The following AGPAT3 variants were observed in gnomAD, a reference collection of about 807,000 sequenced individuals.
AGPAT3 encodes 1-acyl-sn-glycerol-3-phosphate acyltransferase gamma.
A neutral mutation model predicts 47.3 loss-of-function variants in AGPAT3; 5 were observed. That is an observed-to-expected ratio of 0.11 (90% CI 0.06 to 0.22). The LOEUF (loss-of-function observed/expected upper bound fraction) is 0.22, where lower values mean the gene tolerates loss of function less well. AGPAT3 is among the 10% of genes least tolerant of loss of function. The probability of loss-of-function intolerance (pLI) is 1.00; values close to 1 mark genes in which losing one functional copy is unlikely to be tolerated. For synonymous variants in AGPAT3, 212 were observed against 208.3 expected (o/e 1.02, Z -0.15); for missense variants, 315 against 493.0 (o/e 0.64, Z 3.42).
chr21:43,949,208 A>G (rs1318169172), intron 2 of AGPAT3, among the ~76,000 whole-genome samples: 3 of 152,198 alleles, frequency 2.0e-5, no homozygotes, highest in South Asian at 4.1e-4. Context: ...TATCATTTAC[A>G]TATTACTATC....
At chr21:43,912,703 G>GCC (rs2086653677) in intron 2 of AGPAT3, among the ~76,000 whole-genome samples, 1 of 152,182 alleles carries the variant, frequency 6.6e-6, no homozygotes, top group South Asian at 2.1e-4. Context: ...ATCGTCAATA[G>GCC]TCCTGTTAAT....
intron 2 of AGPAT3, among the ~76,000 whole-genome samples, chr21:43,910,213 G>A (rs1032090550): frequency 6.6e-6 from 1 of 152,230 alleles, no homozygotes; most frequent in Non-Finnish European, 1.5e-5. Context: ...TGGGGAGTGC[G>A]TGTTCAGCCC....
rs1444416327 is a variant in AGPAT3, at chr21:43,933,866, C to T, written c.-48-25768C>T. Among the ~76,000 whole-genome samples the T allele has an allele frequency of 6.6e-6, 1 of 152,138 alleles. No homozygotes were observed. The highest frequency in any genetic ancestry group is 2.4e-5 in the African/African-American group (1 of 41,414). ...GCCTCACGTGGAGAGTGGACAGTGG[C>T]ATGGAAACGCCAGAGGGTTAGAACT... On this transcript the variant is annotated intron_variant, in intron 2 of 9. Coordinates refer to ENST00000291572, the MANE Select transcript of AGPAT3 (RefSeq NM_020132.5). This position sits in a 1 kb window ranked among gnomAD's most constrained non-coding sequence, Gnocchi z 6.0.
At chr21:43,907,597 G>T (rs1166727695) in intron 2 of AGPAT3, among the ~76,000 whole-genome samples, 4 of 152,102 alleles carry the variant, frequency 2.6e-5, no homozygotes, top group Non-Finnish European at 5.9e-5. Context: ...GGCACTTGTA[G>T]TCCCAGCTAC....
chr21:43,889,964 A>G (rs2086065493), intron 1 of AGPAT3, among the ~76,000 whole-genome samples: 1 of 152,046 alleles, frequency 6.6e-6, no homozygotes, highest in East Asian at 1.9e-4. Flanking sequence ...AAAATCTGAC[A>G]TTTTGGATCC....
At chr21:43,877,146 A>G (rs1416602699) in intron 1 of AGPAT3, among the ~76,000 whole-genome samples, 2 of 152,208 alleles carry the variant, frequency 1.3e-5, no homozygotes, top group Admixed American at 6.5e-5. Flanking sequence ...GGTGTGAGCC[A>G]CCATGCCCAG....
chr21:43,958,638 T>A (rs1393696835), intron 2 of AGPAT3, among the ~76,000 whole-genome samples: 2 of 143,822 alleles, frequency 1.4e-5, no homozygotes, highest in African/African-American at 5.4e-5. Flanking sequence ...GTGTATGTGG[T>A]TTGTGGTGTG....
chr21:43,969,775 G>A (rs2089316272), intron 5 of AGPAT3, among the ~76,000 whole-genome samples: 2 of 152,206 alleles, frequency 1.3e-5, no homozygotes, highest in South Asian at 4.1e-4. Flanking sequence ...TCGGGTCACT[G>A]CAACCACCAC....
chr21:43,893,160 A>G (rs1427848915), intron 1 of AGPAT3, among the ~76,000 whole-genome samples: 1 of 152,238 alleles, frequency 6.6e-6, no homozygotes, highest in African/African-American at 2.4e-5. Flanking sequence ...CTCCATCTGC[A>G]GATGACTTGC....
At chr21:43,944,100 G>A (rs2087773151) in intron 2 of AGPAT3, among the ~76,000 whole-genome samples, 1 of 152,214 alleles carries the variant, frequency 6.6e-6, no homozygotes, top group South Asian at 2.1e-4. Context: ...CCTCCCTCTC[G>A]GGCCAAGTAT....
At chr21:43,943,003 G>A (rs2087717552) in intron 2 of AGPAT3, among the ~76,000 whole-genome samples, 1 of 152,350 alleles carries the variant, frequency 6.6e-6, no homozygotes, top group Non-Finnish European at 1.5e-5. Context: ...ACAGCAGAGG[G>A]AGGGAGGCCC....
intron 1 of AGPAT3, among the ~76,000 whole-genome samples, chr21:43,884,027 G>A (rs541076969): frequency 1.3e-5 from 2 of 152,306 alleles, no homozygotes; most frequent in African/African-American, 4.8e-5. Context: ...ACCACGCCTG[G>A]CCAGTGTTCT....
chr21:43,961,982 A>T (rs1285416704), intron 3 of AGPAT3, among the ~76,000 whole-genome samples: 1 of 150,112 alleles, frequency 6.7e-6, no homozygotes, highest in Admixed American at 6.6e-5. Flanking sequence ...TTATAGCTTC[A>T]GTTCCTGGTT....
Position 43,943,890 on chromosome 21 carries a change from G to C in AGPAT3, c.-48-15744G>C, listed in dbSNP as rs908239805. Among the ~76,000 whole-genome samples, 3 of 152,342 alleles carry C rather than the reference G, an allele frequency of 2.0e-5. No individual in the cohort carries two copies. In the South Asian group the frequency reaches 6.2e-4, roughly 32 times the overall value. On this transcript the variant is annotated intron_variant, in intron 2 of 9. Coordinates refer to ENST00000291572, the MANE Select transcript of AGPAT3 (RefSeq NM_020132.5). ...GGCGAGAGGGAGACAGGGAGGGAAC[G>C]TTCCGCCGCCTAAACCACTTTCCCG...
At chr21:43,884,206 C>T (rs561996984) in intron 1 of AGPAT3, among the ~76,000 whole-genome samples, 77 of 152,078 alleles carry the variant, frequency 5.1e-4, no homozygotes, top group Non-Finnish European at 9.7e-4. Flanking sequence ...AGCTCCACCA[C>T]GCCCTTTGAT....
At chr21:43,928,132 G>A (rs1159607991) in intron 2 of AGPAT3, among the ~76,000 whole-genome samples, 7 of 152,278 alleles carry the variant, frequency 4.6e-5, no homozygotes, top group Non-Finnish European at 5.9e-5. Context: ...TCGGCCCACC[G>A]GAAGCTGTGA....
At chr21:43,913,946 A>AT (rs963083100) in intron 2 of AGPAT3, among the ~76,000 whole-genome samples, 17 of 152,098 alleles carry the variant, frequency 1.1e-4, no homozygotes, top group East Asian at 3.8e-4. Flanking sequence ...ACAAAAAAGT[A>AT]TTTTTTTTCC....
Position 43,939,648 on chromosome 21 carries a change from C to G in AGPAT3, c.-48-19986C>G, listed in dbSNP as rs1369750977. On this transcript the variant is annotated intron_variant, in intron 2 of 9. Coordinates refer to ENST00000291572, the MANE Select transcript of AGPAT3 (RefSeq NM_020132.5). The surrounding 1 kb of genome is among the most constrained non-coding windows in gnomAD (Gnocchi z 4.4). ...TTCTCTGTTGAGCCCACAGCCATGCCCCACATGCAGGACGTTTGCCTATCA... is the reference window on the plus strand; with the variant it reads ...TTCTCTGTTGAGCCCACAGCCATGCGCCACATGCAGGACGTTTGCCTATCA... 1.3e-5 allele frequency among the ~76,000 whole-genome samples: 2 copies of G among 152,154 alleles called. No individual in the cohort carries two copies. The highest frequency in any genetic ancestry group is 2.9e-5 in the Non-Finnish European group (2 of 68,022).
chr21:43,879,983 G>A (rs921473169), intron 1 of AGPAT3, among the ~76,000 whole-genome samples: 2 of 152,198 alleles, frequency 1.3e-5, no homozygotes, highest in African/African-American at 4.8e-5. Context: ...CTGAGAAGAC[G>A]TGGGTTCTGC....
Sources: allele counts gnomAD v4.1 joint callset (sites outside exome capture counted in the v4.1 genomes callset), GRCh38; gene constraint gnomAD v4.1.1; non-coding constraint Gnocchi (gnomAD v3.1); transcripts MANE v1.5; gene names NCBI Gene and HGNC (gene_info 2026-07-23, HGNC 2026-07-21).